The following CACNA1A variants were observed in gnomAD, a reference collection of about 807,000 sequenced individuals.
CACNA1A encodes the protein voltage-dependent P/Q-type calcium channel subunit alpha-1A.
CACNA1A carries 57 observed loss-of-function variants against 262.4 expected under a neutral mutation model. The observed-to-expected ratio is 0.22, with a 90% CI of 0.18 to 0.27. The LOEUF (loss-of-function observed/expected upper bound fraction) is 0.27. CACNA1A is among the 10% of genes least tolerant of loss of function. The probability of loss-of-function intolerance (pLI) is 1.00; values close to 1 mark genes in which losing one functional copy is unlikely to be tolerated. For synonymous variants in CACNA1A, 1,431 were observed against 1,419.3 expected (o/e 1.01, Z -0.18); for missense variants, 2,526 against 3,562.8 (o/e 0.71, Z 7.41).
intron 15 of CACNA1A, 30 bp downstream of exon 15, chr19:13,307,752 T>C (rs1459195467): frequency 2.5e-6 from 4 of 1,591,514 alleles, no homozygotes; most frequent in Admixed American, 3.3e-5. Context: ...CTGAGAGGTG[T>C]TGGCCCGTGG....
At chr19:13,335,138 T>C (rs1033271728) in intron 7 of CACNA1A, among the ~76,000 whole-genome samples, 1 of 152,212 alleles carries the variant, frequency 6.6e-6, no homozygotes, top group Non-Finnish European at 1.5e-5. Flanking sequence ...TTTTGGCTAA[T>C]AATTATTTCA....
Position 13,424,835 on chromosome 19 carries a change from C to T in CACNA1A, c.539+28041G>A, listed in dbSNP as rs10401992. Reference sequence around the variant, plus strand: ...TATTTCTTTTTTTGAGACAGAGTCTCGTCCTGTCACCCAGGCTGGAGTGCA... The same window carrying T: ...TATTTCTTTTTTTGAGACAGAGTCTTGTCCTGTCACCCAGGCTGGAGTGCA... On this transcript the variant is annotated intron_variant, in intron 3 of 46. Coordinates refer to ENST00000360228, the MANE Select transcript of CACNA1A (RefSeq NM_001127222.2). Among the ~76,000 whole-genome samples, 666 of 147,190 alleles carry T rather than the reference C, an allele frequency of 4.5e-3. 4 individuals are homozygous for T. Among genetic ancestry groups the T allele is most frequent in the African/African-American group, 0.015 (613 of 39,770 alleles).
intron 27 of CACNA1A, 110 bp downstream of exon 27, chr19:13,259,454 G>A (rs1053797336): frequency 6.7e-6 from 7 of 1,038,336 alleles, no homozygotes; most frequent in African/African-American, 1.6e-5. Flanking sequence ...TTACAGGCGT[G>A]AGCCACCATG....
At position 13,506,298 on chromosome 19, in the gene CACNA1A, C is replaced by T; in HGVS notation, c.-74G>A. 4.7e-6 allele frequency: 6 copies of T among 1,286,738 alleles called. No homozygotes were observed. Among genetic ancestry groups the T allele is most frequent in the East Asian group, 2.9e-5 (1 of 33,900 alleles). The allele number at this position is 1,286,738 out of a possible 1,614,324, so 79.7% of individuals were successfully genotyped here. A position where few individuals can be genotyped will look rare whatever the true frequency, so the allele number is the denominator to read the frequency against. Reference sequence around the variant, plus strand: ...AAGACGCCGCCGCCGCCGCCGCCGCCGCTGATGCTGAGGCTGCCGGGGCTG... The same window carrying T: ...AAGACGCCGCCGCCGCCGCCGCCGCTGCTGATGCTGAGGCTGCCGGGGCTG... On this transcript the variant is annotated 5_prime_UTR_variant, in exon 1 of 47. Coordinates refer to ENST00000360228, the MANE Select transcript of CACNA1A (RefSeq NM_001127222.2).
At chr19:13,445,751 A>T (rs1355288369) in intron 3 of CACNA1A, among the ~76,000 whole-genome samples, 8 of 152,220 alleles carry the variant, frequency 5.3e-5, no homozygotes, top group Admixed American at 5.2e-4. Flanking sequence ...TTTCATGATC[A>T]GAACACAAAT....
chr19:13,275,878 T>C lies in CACNA1A; in HGVS notation c.3961A>G (p.Ser1321Gly), dbSNP rs2057136011. The C allele has an allele frequency of 1.2e-6, 2 of 1,613,620 alleles. No homozygotes were observed. Among genetic ancestry groups the C allele is most frequent in the African/African-American group, 2.7e-5 (2 of 74,898 alleles). ...LWNILDFIVV[S>G]GALVAFAFTG... is the part of the protein sequence containing the mutation. The stretch of plus-strand genomic sequence containing the variant: ...AAGGCAAAGGCTACCAGGGCCCCAC[T>C]GACCACTATGAAGTCGAGAATATTC... The change falls in exon 24 of 47, where the codon AGT (serine) becomes GGT (glycine). Residue 1321 changes from serine (S) to glycine (G), a missense_variant. Physicochemically the swap from Ser to Gly is moderately conservative, Grantham distance 56 (BLOSUM62 0). Coordinates refer to ENST00000360228, the MANE Select transcript of CACNA1A (RefSeq NM_001127222.2).
chr19:13,423,461 A>G (rs1445814478), intron 3 of CACNA1A, among the ~76,000 whole-genome samples: 6 of 152,140 alleles, frequency 3.9e-5, no homozygotes, highest in East Asian at 1.9e-4. Flanking sequence ...AGTGAAGCCA[A>G]TGCTGTGTGG....
In CACNA1A at chr19:13,241,441, G is replaced by A. The variant is rs1406117732; in HGVS notation, c.4950+3741C>T. 3.2e-6 allele frequency: 3 copies of A among 925,718 alleles called. No homozygotes were observed. Among genetic ancestry groups the A allele is most frequent in the Non-Finnish European group, 5.1e-6 (3 of 588,228 alleles). 57.3% of individuals were successfully genotyped at this position (925,718 alleles called of 1,614,324 possible). Reference sequence around the variant, plus strand: ...GCATCCCACGTTGGAGAGGCAGGGTGTGGCATGCAATGCCGACGCGAGGAG... The same window carrying A: ...GCATCCCACGTTGGAGAGGCAGGGTATGGCATGCAATGCCGACGCGAGGAG... On this transcript the variant is annotated intron_variant, in intron 31 of 46. Transcript: ENST00000360228. This position sits in a 1 kb window ranked among gnomAD's most constrained non-coding sequence, Gnocchi z 4.0.
At chr19:13,250,807 A>C (rs1443398688) in intron 30 of CACNA1A, among the ~76,000 whole-genome samples, 2 of 152,216 alleles carry the variant, frequency 1.3e-5, no homozygotes, top group Admixed American at 6.5e-5. Flanking sequence ...AAGGGCTTCA[A>C]GGTTACCTTT....
intron 9 of CACNA1A, among the ~76,000 whole-genome samples, chr19:13,330,683 T>C (rs1025180615): frequency 1.3e-5 from 2 of 152,160 alleles, no homozygotes; most frequent in Non-Finnish European, 2.9e-5. Context: ...CTCTGCCTCC[T>C]GAGTTCAAGC....
chr19:13,361,285 T>C (rs572197610), intron 5 of CACNA1A, among the ~76,000 whole-genome samples: 1 of 152,134 alleles, frequency 6.6e-6, no homozygotes, highest in Non-Finnish European at 1.5e-5. Context: ...ACACCCCTTT[T>C]GCTGGAAACC....
At position 13,207,289 on chromosome 19, in the gene CACNA1A, G is replaced by T; in HGVS notation, c.*24C>A. On this transcript the variant is annotated 3_prime_UTR_variant, in exon 47 of 47. Coordinates refer to ENST00000360228, the MANE Select transcript of CACNA1A (RefSeq NM_001127222.2). This position sits in a 1 kb window ranked among gnomAD's most constrained non-coding sequence, Gnocchi z 5.7. The stretch of plus-strand genomic sequence containing the variant: ...GTGTGCGTGGGGTGCGTGGGGGGCC[G>T]GGCGGGCGCCACCTCGCCCGGGCTT... 1 of 1,533,092 alleles carries T rather than the reference G, an allele frequency of 6.5e-7. No homozygotes were observed. Among genetic ancestry groups the T allele is most frequent in the South Asian group, 1.2e-5 (1 of 85,070 alleles). The allele number at this position is 1,533,092 out of a possible 1,614,324, so 95.0% of individuals were successfully genotyped here.
chr19:13,381,814 G>A (rs533938841), intron 3 of CACNA1A, among the ~76,000 whole-genome samples: 11 of 152,288 alleles, frequency 7.2e-5, no homozygotes, highest in African/African-American at 2.4e-4. Flanking sequence ...GAAGCAGAGC[G>A]AGCAAGGGGG....
At chr19:13,220,720 G>A (rs2055189084) in intron 38 of CACNA1A, among the ~76,000 whole-genome samples, 1 of 152,098 alleles carries the variant, frequency 6.6e-6, no homozygotes, top group African/African-American at 2.4e-5. Context: ...TGACATCCCA[G>A]TCCCCAGTGA....
intron 3 of CACNA1A, among the ~76,000 whole-genome samples, chr19:13,441,620 C>T (rs554347208): frequency 1.3e-3 from 189 of 149,926 alleles, no homozygotes; most frequent in South Asian, 2.5e-3. Context: ...GCCAAGATCG[C>T]GCCACTGCAC....
chr19:13,221,761 C>T (rs891241834), intron 38 of CACNA1A, among the ~76,000 whole-genome samples: 6 of 152,122 alleles, frequency 3.9e-5, no homozygotes, highest in Non-Finnish European at 8.8e-5. Flanking sequence ...CCTCCTGAAG[C>T]CGCCCTTTTA....
intron 3 of CACNA1A, among the ~76,000 whole-genome samples, chr19:13,439,239 G>A (rs1040081144): frequency 6.7e-5 from 10 of 150,118 alleles, no homozygotes; most frequent in Non-Finnish European, 1.3e-4. Flanking sequence ...CTCCCGAGTA[G>A]CTGGGACTAC....
chr19:13,349,863 C>T (rs749132653), intron 6 of CACNA1A, among the ~76,000 whole-genome samples: 4 of 152,154 alleles, frequency 2.6e-5, no homozygotes, highest in Non-Finnish European at 4.4e-5. Flanking sequence ...CAGGGTGGCA[C>T]AGAGGAAGTG....
At chr19:13,266,243 G>T (rs1433293676) in intron 24 of CACNA1A, among the ~76,000 whole-genome samples, 1 of 151,846 alleles carries the variant, frequency 6.6e-6, no homozygotes, top group Non-Finnish European at 1.5e-5. Context: ...TAAAGAGATG[G>T]AATCTCAGGG....
Sources: gnomAD v4.1 joint callset for allele counts (sites outside exome capture counted in the v4.1 genomes callset) on GRCh38, gnomAD v4.1.1 for gene constraint, Gnocchi (gnomAD v3.1) non-coding constraint, MANE v1.5 for transcripts, NCBI Gene and HGNC (gene_info 2026-07-23, HGNC 2026-07-21) for gene names.